GPC6: variants seen among roughly 807,000 people sequenced by gnomAD.
GPC6 encodes the protein glypican 6.
Under a neutral mutation model 55.2 loss-of-function variants are expected in GPC6, and 14 were observed. That is an observed-to-expected ratio of 0.25 (90% CI 0.17 to 0.40). GPC6 has a LOEUF of 0.40. Ranked by LOEUF, GPC6 falls within the 10% of genes least tolerant of loss-of-function variation. The pLI is 1.00. For synonymous variants in GPC6, 278 were observed against 259.6 expected, an observed-to-expected ratio of 1.07 and a Z score of -0.68; for missense variants, 641 against 708.5, an observed-to-expected ratio of 0.90 and a Z score of 1.08.
At chr13:93,671,858 G>T (rs1250693261) in intron 2 of GPC6, among the ~76,000 whole-genome samples, 1 of 152,064 alleles carries the variant, frequency 6.6e-6, no homozygotes, top group South Asian at 2.1e-4. Context: ...GGGAGGAAAG[G>T]TTAAGTGGCA....
intron 2 of GPC6, among the ~76,000 whole-genome samples, chr13:93,756,500 C>T (rs1884775463): frequency 6.6e-6 from 1 of 152,044 alleles, no homozygotes; most frequent in African/African-American, 2.4e-5. Context: ...GTCCCAAAAG[C>T]CTTGGGACTT....
At chr13:94,257,105 T>G (rs984849793) in intron 4 of GPC6, among the ~76,000 whole-genome samples, 1 of 152,224 alleles carries the variant, frequency 6.6e-6, no homozygotes, top group African/African-American at 2.4e-5. Context: ...AGACCCTAAC[T>G]GATTTGTTCT....
intron 1 of GPC6, among the ~76,000 whole-genome samples, chr13:93,433,872 C>G (rs1027113327): frequency 9.9e-5 from 15 of 152,190 alleles, no homozygotes; most frequent in Admixed American, 2.0e-4. Flanking sequence ...GACGTGAGGG[C>G]AAGGATGCTG....
At chr13:93,673,021 G>C (rs1881434789) in intron 2 of GPC6, among the ~76,000 whole-genome samples, 1 of 152,060 alleles carries the variant, frequency 6.6e-6, no homozygotes, top group South Asian at 2.1e-4. Flanking sequence ...AAAGACAAAA[G>C]TATTTTTGAA....
At chr13:94,132,299 A>G (rs989055491) in intron 4 of GPC6, among the ~76,000 whole-genome samples, 1 of 152,128 alleles carries the variant, frequency 6.6e-6, no homozygotes, top group African/African-American at 2.4e-5. Flanking sequence ...CCCTGAAGCT[A>G]TTTCTTACAC....
At chr13:94,281,152 C>T (rs1028922220) in intron 4 of GPC6, among the ~76,000 whole-genome samples, 1 of 151,956 alleles carries the variant, frequency 6.6e-6, no homozygotes, top group African/African-American at 2.4e-5. Flanking sequence ...ATTTTTCTAC[C>T]TAGGAGAATC....
At chr13:93,529,807 G>A (rs574830310) in intron 1 of GPC6, among the ~76,000 whole-genome samples, 3 of 152,122 alleles carry the variant, frequency 2.0e-5, no homozygotes, top group East Asian at 3.9e-4. Flanking sequence ...GAGCCACCGC[G>A]CCTGGCTGTC....
At chr13:93,846,234 A>G (rs74108890) in intron 3 of GPC6, among the ~76,000 whole-genome samples, 73 of 152,298 alleles carry the variant, frequency 4.8e-4, no homozygotes, top group African/African-American at 1.7e-3. Context: ...TTCCTGTTCA[A>G]TGTAATGCAA....
chr13:93,999,270 G>A (rs1468355623), intron 3 of GPC6, among the ~76,000 whole-genome samples: 1 of 152,086 alleles, frequency 6.6e-6, no homozygotes, highest in Non-Finnish European at 1.5e-5. Flanking sequence ...TATGAGTGAG[G>A]ACATGCAGTG....
At chr13:93,598,030 G>A (rs1029870163) in intron 2 of GPC6, among the ~76,000 whole-genome samples, 1 of 152,124 alleles carries the variant, frequency 6.6e-6, no homozygotes, top group African/African-American at 2.4e-5. Context: ...TGTAGTCCCA[G>A]CTACTCAGGG....
chr13:93,492,267 A>T (rs1310192372), intron 1 of GPC6, among the ~76,000 whole-genome samples: 17 of 140,394 alleles, frequency 1.2e-4, no homozygotes, highest in South Asian at 4.7e-4. Context: ...CTAGGTATTT[A>T]ATTCTCTTTG....
At chr13:93,495,723 T>G (rs1293874824) in intron 1 of GPC6, among the ~76,000 whole-genome samples, 1 of 128,704 alleles carries the variant, frequency 7.8e-6, no homozygotes, top group African/African-American at 2.9e-5. Flanking sequence ...CCTTTCTGTT[T>G]GTTAGTATTC....
At chr13:94,244,959 C>T (rs1891154966) in intron 4 of GPC6, among the ~76,000 whole-genome samples, 2 of 151,888 alleles carry the variant, frequency 1.3e-5, no homozygotes, top group Admixed American at 1.3e-4. Context: ...AAAATGGTTA[C>T]TATATAGTGG....
At chr13:93,371,665 C>G (rs992375566) in intron 1 of GPC6, among the ~76,000 whole-genome samples, 15 of 152,112 alleles carry the variant, frequency 9.9e-5, no homozygotes, top group African/African-American at 3.1e-4. Context: ...GACAAATAAA[C>G]ACCTAAAAAT....
At chr13:93,852,605 C>A (rs889758132) in intron 3 of GPC6, among the ~76,000 whole-genome samples, 1 of 151,442 alleles carries the variant, frequency 6.6e-6, no homozygotes, top group South Asian at 2.1e-4. Context: ...TTAATGATTT[C>A]TCTCTCTCTC....
chr13:93,275,735 C>A (rs1877710391), intron 1 of GPC6, among the ~76,000 whole-genome samples: 1 of 152,100 alleles, frequency 6.6e-6, no homozygotes, highest in African/African-American at 2.4e-5. Context: ...TTAGAACACA[C>A]CCTCATGTCC....
rs144362905 is a variant in GPC6 at position 93,585,955 on chromosome 13, T to A, written c.319+40534T>A. ...CTTCAGTTTTCCTTATTTTTTACTGTCAGTTTCTTTTTTTTTTAACTTGTA... is the reference window on the plus strand; with the variant it reads ...CTTCAGTTTTCCTTATTTTTTACTGACAGTTTCTTTTTTTTTTAACTTGTA... On this transcript the variant is annotated intron_variant, in intron 2 of 8. Transcript: ENST00000377047. 4.5e-3 allele frequency among the ~76,000 whole-genome samples: 686 copies of A among 152,302 alleles called. 4 individuals carry two copies. The highest frequency in any genetic ancestry group is 0.02 in the Middle Eastern group (6 of 294).
At chr13:93,240,744 A>G (rs1387911042) in intron 1 of GPC6, among the ~76,000 whole-genome samples, 2 of 152,092 alleles carry the variant, frequency 1.3e-5, no homozygotes, top group Non-Finnish European at 2.9e-5. Context: ...AGTGAGTTTT[A>G]TACTTTTGAA....
At chr13:93,590,908 G>T (rs935082376) in intron 2 of GPC6, among the ~76,000 whole-genome samples, 2 of 151,970 alleles carry the variant, frequency 1.3e-5, no homozygotes, top group Admixed American at 6.5e-5. Context: ...AGTGGGTGCA[G>T]CGCACCAGCA....
Sources: gnomAD v4.1 joint callset for allele counts (sites outside exome capture counted in the v4.1 genomes callset) on GRCh38, gnomAD v4.1.1 for gene constraint, MANE v1.5 for transcripts, NCBI Gene and HGNC (gene_info 2026-07-23, HGNC 2026-07-21) for gene names.